The following CUX1 variants were observed in gnomAD, a reference collection of about 807,000 sequenced individuals.
The protein encoded by CUX1 is protein CASP.
In CUX1, 31 loss-of-function variants were observed where a neutral mutation model predicts 158.8. The observed-to-expected ratio is 0.20, with a 90% CI of 0.15 to 0.26. The LOEUF is 0.26. Among genes scored for constraint, CUX1 ranks in the 10% least tolerant of loss-of-function variants. The pLI, the probability that CUX1 is intolerant of heterozygous loss-of-function variation, is 1.00. For synonymous variants in CUX1, 879 were observed against 862.1 expected (o/e 1.02, Z -0.34); for missense variants, 1,589 against 2,014.6 (o/e 0.79, Z 4.04).
chr7:101,948,711 T>G (rs902545342), intron 2 of CUX1, among the ~76,000 whole-genome samples: 2 of 152,228 alleles, frequency 1.3e-5, no homozygotes, highest in Non-Finnish European at 2.9e-5. Context: ...TGACATTTGC[T>G]GACCTTCAAC....
chr7:102,067,609 G>A lies in CUX1; in HGVS notation c.190-2730G>A, dbSNP rs1825692137. ...AGACCTGATAGTCTGACTCCTGCCGGTGAGTGGAGGATTTCAATTATACTT... is the reference window on the plus strand; with the variant it reads ...AGACCTGATAGTCTGACTCCTGCCGATGAGTGGAGGATTTCAATTATACTT... On this transcript the variant is annotated intron_variant, in intron 3 of 23. Transcript: ENST00000292535. 2.0e-5 allele frequency among the ~76,000 whole-genome samples: 3 copies of A among 151,840 alleles called. No individual in the cohort carries two copies. The South Asian group carries it at 6.2e-4, about 32-fold the overall frequency.
At chr7:102,064,800 G>A (rs1487266210) in intron 3 of CUX1, among the ~76,000 whole-genome samples, 3 of 152,062 alleles carry the variant, frequency 2.0e-5, no homozygotes, top group African/African-American at 7.2e-5. Flanking sequence ...TCGTGCAGAG[G>A]AGGTGGGGCT....
intron 2 of CUX1, among the ~76,000 whole-genome samples, chr7:101,927,930 A>T (rs1469844734): frequency 6.6e-6 from 1 of 152,208 alleles, no homozygotes; most frequent in Non-Finnish European, 1.5e-5. Context: ...TTCCGGGAGC[A>T]TCTCAGGACG....
chr7:101,925,636 T>TA lies in CUX1; in HGVS notation c.141+9421dup, dbSNP rs202118829. Among the ~76,000 whole-genome samples the TA allele has an allele frequency of 1.4e-4, 21 of 150,884 alleles. No homozygotes were observed. The Middle Eastern group carries it at 0.017, about 125-fold the overall frequency. ...ATTATACATCAATAAAGCTGTTATT[T>TA]AAAAAAAAAATTCAGCCAGGTGCAG... is the stretch of plus-strand genomic sequence containing the variant. On this transcript the variant is annotated intron_variant, in intron 2 of 23. Transcript: ENST00000292535.
intron 2 of CUX1, among the ~76,000 whole-genome samples, chr7:102,013,686 A>G (rs1227130084): frequency 1.3e-5 from 2 of 152,194 alleles, no homozygotes; most frequent in African/African-American, 2.4e-5. Context: ...TGATTGACTC[A>G]TATGCAAACG....
At chr7:102,245,487 G>A (rs1156706622) in intron 23 of CUX1, among the ~76,000 whole-genome samples, 8 of 152,160 alleles carry the variant, frequency 5.3e-5, no homozygotes, top group African/African-American at 7.2e-5. Flanking sequence ...CATGCCTAAC[G>A]GTGTCCGCTC....
intron 8 of CUX1, among the ~76,000 whole-genome samples, chr7:102,157,935 G>A (rs1789957996): frequency 6.6e-6 from 1 of 152,146 alleles, no homozygotes; most frequent in Non-Finnish European, 1.5e-5. Context: ...CGACCAGGCT[G>A]GGCCATAGCA....
intron 14 of CUX1, among the ~76,000 whole-genome samples, chr7:102,269,885 C>T (rs1233063054): frequency 1.3e-5 from 2 of 152,224 alleles, no homozygotes; most frequent in East Asian, 1.9e-4. Flanking sequence ...GCATATCCAG[C>T]CTCAGGTCCA....
chr7:101,983,960 G>T (rs1048354886), intron 2 of CUX1, among the ~76,000 whole-genome samples: 1 of 150,282 alleles, frequency 6.7e-6, no homozygotes, highest in African/African-American at 2.5e-5. Context: ...CTTGAACCCG[G>T]GAGGCAGAGG....
At chr7:102,141,839 C>G (rs1327439108) in intron 8 of CUX1, among the ~76,000 whole-genome samples, 1 of 130,936 alleles carries the variant, frequency 7.6e-6, no homozygotes, top group South Asian at 2.4e-4. Flanking sequence ...CGGGGTTTCT[C>G]CATGTTGGTC....
At chr7:101,974,424 T>C (rs1812388107) in intron 2 of CUX1, among the ~76,000 whole-genome samples, 1 of 152,178 alleles carries the variant, frequency 6.6e-6, no homozygotes, top group Non-Finnish European at 1.5e-5. Context: ...TGAAGTGCTG[T>C]ATAATGATTA....
chr7:102,244,717 G>A (rs1282394986), intron 23 of CUX1, among the ~76,000 whole-genome samples: 1 of 152,044 alleles, frequency 6.6e-6, no homozygotes, highest in South Asian at 2.1e-4. Context: ...ATCTCAGGCT[G>A]ACCATTTACC....
At chr7:102,104,313 G>T (rs1197173749) in intron 5 of CUX1, 23 bp from the exon 6 acceptor site, 6 of 1,389,598 alleles carry the variant, frequency 4.3e-6, no homozygotes, top group Admixed American at 4.0e-5. Context: ...CTTACTGTAG[G>T]TTTTTTTTTT....
Position 102,170,399 on chromosome 7 carries a change from G to T in CUX1, c.724-47G>T, listed in dbSNP as rs201899700. 4.6e-6 allele frequency: 6 copies of T among 1,314,030 alleles called. No individual in the cohort carries two copies. In the African/African-American group the frequency reaches 7.3e-5, roughly 16 times the overall value. 81.4% of individuals were successfully genotyped at this position (1,314,030 alleles called of 1,614,324 possible). ...AATGTTCTTGTAATAATTGTCAGTT[G>T]TTAAACTGAATGTACTTTCTCTTTC... On this transcript the variant is annotated intron_variant, in intron 9 of 23. Coordinates refer to ENST00000292535, the MANE Select transcript of CUX1 (RefSeq NM_181552.4).
intron 1 of CUX1, among the ~76,000 whole-genome samples, chr7:101,834,630 C>T (rs913252933): frequency 6.6e-6 from 1 of 152,090 alleles, no homozygotes; most frequent in Non-Finnish European, 1.5e-5. Context: ...TGCCCTGGTG[C>T]AGAGAGCAGT....
At position 102,256,869 on chromosome 7, in the gene CUX1, TG is replaced by T; in HGVS notation, c.*7828del. The T allele has an allele frequency of 2.0e-6, 2 of 984,178 alleles. No individual in the cohort carries two copies. The highest frequency in any genetic ancestry group is 2.4e-6 in the Non-Finnish European group (2 of 828,732). The allele number at this position is 984,178 out of a possible 1,614,324, so 61.0% of individuals were successfully genotyped here. A position where few individuals can be genotyped will look rare whatever the true frequency, so the allele number is the denominator to read the frequency against. On this transcript the variant is annotated 3_prime_UTR_variant, in exon 24 of 24. Transcript: ENST00000292535. The stretch of plus-strand genomic sequence containing the variant: ...GGTTGATACGTTTTGGTTGGTTTTT[TG>T]TTGTTGTTTTTCTTGCGTACAAAGT...
chr7:102,216,621 ACACACACACCCCCACACACG>A (rs1797160802), intron 20 of CUX1, among the ~76,000 whole-genome samples: 1 of 71,722 alleles, frequency 1.4e-5, no homozygotes, highest in African/African-American at 5.2e-5. Flanking sequence ...CACACTCCCC[ACACACACACCCCCACACACG>A]CACACACACA....
intron 11 of CUX1, among the ~76,000 whole-genome samples, chr7:102,183,111 T>C (rs1331161823): frequency 1.3e-5 from 2 of 151,912 alleles, no homozygotes; most frequent in African/African-American, 4.8e-5. Context: ...TATAAAACCG[T>C]CCCTCTGGCC....
At chr7:101,930,922 C>G (rs796878003) in intron 2 of CUX1, among the ~76,000 whole-genome samples, 4 of 152,270 alleles carry the variant, frequency 2.6e-5, no homozygotes, top group African/African-American at 9.6e-5. Context: ...CATGGCGAAA[C>G]CCCGTCTCTA....
Sources: allele counts gnomAD v4.1 joint callset (sites outside exome capture counted in the v4.1 genomes callset), GRCh38; gene constraint gnomAD v4.1.1; transcripts MANE v1.5; gene names NCBI Gene and HGNC (gene_info 2026-07-23, HGNC 2026-07-21).